Variants in CACNA1G observed in about 807,000 individuals in gnomAD.
CACNA1G encodes calcium voltage-gated channel subunit alpha1 G.
A neutral mutation model predicts 219.4 loss-of-function variants in CACNA1G; 67 were observed. The ratio of observed to expected loss-of-function variants is 0.31; its 90% confidence interval spans 0.25 to 0.37. The LOEUF is 0.37. Among genes scored for constraint, CACNA1G ranks in the 10% least tolerant of loss-of-function variants. The pLI, the probability that CACNA1G is intolerant of heterozygous loss-of-function variation, is 1.00. For synonymous variants in CACNA1G, 1,296 were observed against 1,345.3 expected (o/e 0.96, Z 0.80); for missense variants, 2,380 against 3,231.4 (o/e 0.74, Z 6.39).
chr17:50,568,948 C>A lies in CACNA1G; in HGVS notation c.321C>A (p.Ile107=), dbSNP rs529908416. The change falls in exon 2 of 38, where the codon ATC becomes ATA. Residue 107 remains isoleucine (I), a synonymous_variant. Coordinates refer to ENST00000359106, the MANE Select transcript of CACNA1G (RefSeq NM_018896.5). ...GCATGTTCCGGCCATGCGAGGACATCGCCTGTGACTCCCAGCGCTGCCGGA... is the reference window on the plus strand; with the variant it reads ...GCATGTTCCGGCCATGCGAGGACATAGCCTGTGACTCCCAGCGCTGCCGGA... The part of the protein sequence containing the change: ...TLGMFRPCED[I]ACDSQRCRIL... 1.9e-6 allele frequency: 3 copies of A among 1,612,596 alleles called. No homozygotes were observed. The highest frequency in any genetic ancestry group is 2.2e-5 in the South Asian group (2 of 91,068).
intron 9 of CACNA1G, among the ~76,000 whole-genome samples, chr17:50,589,912 C>CTCTGTGTGTGTGTG (rs1326523232): frequency 5.6e-5 from 8 of 141,832 alleles, no homozygotes; most frequent in African/African-American, 2.3e-4. Context: ...CTCTCTCTCT[C>CTCTGTGTGTGTGTG]TGTGTGTGTG....
intron 1 of CACNA1G, among the ~76,000 whole-genome samples, chr17:50,564,928 C>T (rs999865028): frequency 3.3e-5 from 5 of 152,114 alleles, no homozygotes; most frequent in Non-Finnish European, 5.9e-5. Flanking sequence ...CACACACATT[C>T]CTTCCCACCC....
At position 50,565,733 on chromosome 17, in the gene CACNA1G, C is replaced by T. The variant is rs370565648; in HGVS notation, c.243-3137C>T. Among the ~76,000 whole-genome samples the T allele has an allele frequency of 9.9e-5, 15 of 152,270 alleles. No individual in the cohort carries two copies. In the East Asian group the frequency reaches 1.9e-3, roughly 20 times the overall value. ...CCTCTCCCTACTTTCCTCACCCTTG[C>T]GGCTGCCAGGCTAAGCAAGGGCTCT... On this transcript the variant is annotated intron_variant, in intron 1 of 37. Transcript: ENST00000359106.
At chr17:50,570,185 T>C (rs2039057897) in intron 4 of CACNA1G, among the ~76,000 whole-genome samples, 1 of 152,182 alleles carries the variant, frequency 6.6e-6, no homozygotes. Context: ...TCATGCAATC[T>C]GGTTCTTGCT....
chr17:50,584,744 G>GCC (rs111585695), intron 9 of CACNA1G, among the ~76,000 whole-genome samples: 2 of 151,716 alleles, frequency 1.3e-5, no homozygotes, highest in African/African-American at 4.9e-5. Flanking sequence ...GGGACGTGGA[G>GCC]CCCCCCATGT....
Position 50,615,456 on chromosome 17 carries a change from G to A in CACNA1G, c.4855G>A (p.Gly1619Ser), listed in dbSNP as rs769908016. Residue 1619 changes from glycine to serine, a missense_variant, in exon 27 of 38, where the codon GGT (glycine) becomes AGT (serine). Gly to Ser is a moderately conservative substitution (Grantham distance 56). Transcript: ENST00000359106. ...CCACTACCTGGACCTCTTCATCACA[G>A]GTGTCATCGGGCTGAACGTGGTCAC... ...TSHYLDLFIT[G>S]VIGLNVVTMA... The A allele has an allele frequency of 4.3e-6, 7 of 1,613,728 alleles. No individual in the cohort carries two copies. Among genetic ancestry groups the A allele is most frequent in the African/African-American group, 4.0e-5 (3 of 74,946 alleles).
At position 50,578,454 on chromosome 17, in the gene CACNA1G, C is replaced by T; in HGVS notation, c.2191C>T (p.Leu731=). 1 of 1,599,634 alleles carries T rather than the reference C, an allele frequency of 6.3e-7. No homozygotes were observed. The highest frequency in any genetic ancestry group is 1.1e-5 in the South Asian group (1 of 90,500). ...EPSSVLAFWR[L]ICDTFRKIVD... ...CAGCTCTGTGCTGGCCTTCTGGAGG[C>T]TAATCTGTGACACCTTCCGAAAGAT... The change falls in exon 9 of 38, where the codon CTA becomes TTA. Residue 731 remains leucine, a synonymous_variant. Transcript: ENST00000359106. The surrounding 1 kb of genome is among the most constrained non-coding windows in gnomAD (Gnocchi z 4.5).
intron 36 of CACNA1G, 36 bp from the exon 37 acceptor site, chr17:50,624,324 T>TTCCC: frequency 2.5e-5 from 29 of 1,177,636 alleles, no homozygotes; most frequent in South Asian, 9.2e-5. Context: ...CTCCATTCTC[T>TTCCC]CCCCCCACCC....
intron 13 of CACNA1G, among the ~76,000 whole-genome samples, 170 bp from the exon 14 acceptor site, chr17:50,594,823 G>A (rs1324793325): frequency 1.3e-5 from 2 of 152,106 alleles, no homozygotes; most frequent in Non-Finnish European, 2.9e-5. Flanking sequence ...GTTGAATTCT[G>A]GAAGGCTGTT....
At chr17:50,575,343 T>C (rs1232936687) in intron 7 of CACNA1G, among the ~76,000 whole-genome samples, 200 bp from the exon 8 acceptor site, 1 of 152,202 alleles carries the variant, frequency 6.6e-6, no homozygotes, top group Non-Finnish European at 1.5e-5. Context: ...TTGACCTCTG[T>C]GGACCTGAGT....
intron 7 of CACNA1G, chr17:50,573,420 C>G (rs984426959): frequency 1.1e-5 from 3 of 270,044 alleles, no homozygotes; most frequent in Non-Finnish European, 2.1e-5. Flanking sequence ...GATGATACCA[C>G]CTCTCCCAGA....
chr17:50,572,181 G>A, intron 5 of CACNA1G, 144 bp downstream of exon 5: 1 of 936,454 alleles, frequency 1.1e-6, no homozygotes, highest in South Asian at 1.8e-5. Flanking sequence ...CTACCCATTG[G>A]AACCACCTGG....
chr17:50,578,046 A>G lies in CACNA1G; in HGVS notation c.1925-142A>G. The stretch of plus-strand genomic sequence containing the variant: ...AGACTGCCCACCTTGCCTGACATTC[A>G]GCACCCCTGGCCCACTAAGTGCCTA... On this transcript the variant is annotated intron_variant, in intron 8 of 37. Transcript: ENST00000359106. This position sits in a 1 kb window ranked among gnomAD's most constrained non-coding sequence, Gnocchi z 4.5. The G allele has an allele frequency of 1.1e-6, 1 of 930,074 alleles. No individual in the cohort carries two copies. The highest frequency in any genetic ancestry group is 2.3e-5 in the South Asian group (1 of 42,794). The allele number at this position is 930,074 out of a possible 1,614,324, so 57.6% of individuals were successfully genotyped here.
In CACNA1G at chr17:50,617,658, C is replaced by T. The variant is rs1396384436; in HGVS notation, c.5155+87C>T. The T allele has an allele frequency of 1.3e-6, 2 of 1,528,200 alleles. No homozygotes were observed. The highest frequency in any genetic ancestry group is 1.8e-6 in the Non-Finnish European group (2 of 1,127,922). 94.7% of individuals were successfully genotyped at this position (1,528,200 alleles called of 1,614,324 possible). A position where few individuals can be genotyped will look rare whatever the true frequency, so the allele number is the denominator to read the frequency against. On this transcript the variant is annotated intron_variant, in intron 29 of 37. Transcript: ENST00000359106. The surrounding 1 kb of genome is among the most constrained non-coding windows in gnomAD (Gnocchi z 5.8). Reference sequence around the variant, plus strand: ...GGTCGGCTTTGTGGCTGGTCAAGGCCTGGGCGGCTGTGGGTTCCCATGGGT... The same window carrying T: ...GGTCGGCTTTGTGGCTGGTCAAGGCTTGGGCGGCTGTGGGTTCCCATGGGT...
chr17:50,625,399 G>C (rs1473086040), intron 37 of CACNA1G, among the ~76,000 whole-genome samples: 1 of 152,250 alleles, frequency 6.6e-6, no homozygotes, highest in Non-Finnish European at 1.5e-5. Flanking sequence ...AGCAGCCTCT[G>C]TGTGCCAGGC....
intron 34 of CACNA1G, among the ~76,000 whole-genome samples, chr17:50,620,728 T>C (rs573329108): frequency 1.4e-4 from 22 of 152,064 alleles, no homozygotes; most frequent in Non-Finnish European, 2.6e-4. Context: ...CCCAGAAAAA[T>C]GGACAGTGAT....
At chr17:50,608,525 GATATAT>G (rs3063068) in intron 25 of CACNA1G, among the ~76,000 whole-genome samples, 14 of 141,748 alleles carry the variant, frequency 9.9e-5, no homozygotes, top group African/African-American at 2.1e-4. Flanking sequence ...TTTCTACCAT[GATATAT>G]ATATATATAT....
At position 50,627,029 on chromosome 17, in the gene CACNA1G, A is replaced by G. The variant is rs1171164818; in HGVS notation, c.*278A>G. On this transcript the variant is annotated 3_prime_UTR_variant, in exon 38 of 38. Coordinates refer to ENST00000359106, the MANE Select transcript of CACNA1G (RefSeq NM_018896.5). The stretch of plus-strand genomic sequence containing the variant: ...GGAGAAAGCAATACGTTTGTGCAGA[A>G]TCTCTATGTATATTCTATTTTATTA... 1.6e-6 allele frequency: 1 copy of G among 615,148 alleles called. No individual in the cohort carries two copies. The highest frequency in any genetic ancestry group is 3.0e-6 in the Non-Finnish European group (1 of 332,252). 38.1% of individuals were successfully genotyped at this position (615,148 alleles called of 1,614,324 possible).
intron 4 of CACNA1G, among the ~76,000 whole-genome samples, chr17:50,570,263 C>T (rs2039080460): frequency 6.6e-6 from 1 of 152,326 alleles, no homozygotes; most frequent in South Asian, 2.1e-4. Context: ...TCTCACCCTC[C>T]GCCTCTGTCC....
Sources: allele counts gnomAD v4.1 joint callset (sites outside exome capture counted in the v4.1 genomes callset), GRCh38; gene constraint gnomAD v4.1.1; non-coding constraint Gnocchi (gnomAD v3.1); transcripts MANE v1.5; gene names NCBI Gene and HGNC (gene_info 2026-07-23, HGNC 2026-07-21).